TRIM7: variants seen among roughly 807,000 people sequenced by gnomAD.
The protein encoded by TRIM7 is tripartite motif containing 7.
A neutral mutation model predicts 37.9 loss-of-function variants in TRIM7; 32 were observed. The observed-to-expected ratio is 0.84, with a 90% CI of 0.64 to 1.13. The LOEUF is 1.13. TRIM7 is among the 50% of genes most tolerant of loss of function. The pLI is 0.00. For synonymous variants in TRIM7, 351 were observed against 321.3 expected (o/e 1.09, Z -0.99); for missense variants, 732 against 714.0 (o/e 1.03, Z -0.29).
intron 2 of TRIM7, 86 bp from the exon 3 acceptor site, chr5:181,200,167 G>T (rs761813342): frequency 1.2e-6 from 2 of 1,608,626 alleles, no homozygotes; most frequent in Admixed American, 1.7e-5. Flanking sequence ...ACAGGGCAAG[G>T]CTTCGTCCCT....
At chr5:181,204,218 G>A in intron 1 of TRIM7, 2 of 1,034,472 alleles carry the variant, frequency 1.9e-6, no homozygotes, top group Non-Finnish European at 2.3e-6. Context: ...TAAGAGTGGG[G>A]GCAGCGGCTG....
rs781165142 is a variant in TRIM7, at chr5:181,195,480, C to G, written c.1222G>C (p.Gly408Arg). Residue 408 changes from glycine (G) to arginine (R), a missense_variant, in exon 7 of 7, where the codon GGC becomes CGC. Coordinates refer to ENST00000274773, the MANE Select transcript of TRIM7 (RefSeq NM_203293.3). ...TCGCGGGCCACGCCAAAGGCCCAGC[C>G]GTCCTTAGAGCCCACCTCCACCTCC... ...HWEVEVGSKD[G>R]WAFGVARESV... is the part of the protein sequence containing the mutation. 4 of 1,612,398 alleles carry G rather than the reference C, an allele frequency of 2.5e-6. No homozygotes were observed. Among genetic ancestry groups the G allele is most frequent in the South Asian group, 1.1e-5 (1 of 91,042 alleles).
intron 1 of TRIM7, chr5:181,204,229 C>T: frequency 1.9e-6 from 2 of 1,044,584 alleles, no homozygotes. Context: ...GCAGCGGCTG[C>T]GTGGCTGTGC....
At position 181,204,822 on chromosome 5, in the gene TRIM7, C is replaced by T; in HGVS notation, c.289G>A (p.Ala97Thr). ...PSQLRPNRQL[A>T]AVATLLRRFS... Reference sequence around the variant, plus strand: ...CGCCGCAGGAGCGTGGCCACTGCCGCCAGCTGCCGGTTGGGCCGCAGCTGA... The same window carrying T: ...CGCCGCAGGAGCGTGGCCACTGCCGTCAGCTGCCGGTTGGGCCGCAGCTGA... Residue 97 changes from alanine (A) to threonine (T), a missense_variant, in exon 1 of 7, where the codon GCG (alanine) becomes ACG (threonine). Transcript: ENST00000274773. 1.4e-6 allele frequency: 2 copies of T among 1,380,572 alleles called. No homozygotes were observed. Among genetic ancestry groups the T allele is most frequent in the Non-Finnish European group, 1.9e-6 (2 of 1,074,588 alleles). 85.5% of individuals were successfully genotyped at this position (1,380,572 alleles called of 1,614,324 possible).
At position 181,205,143 on chromosome 5, in the gene TRIM7, C is replaced by A. The variant is rs910611973; in HGVS notation, c.-33G>T. On this transcript the variant is annotated 5_prime_UTR_variant, in exon 1 of 7. Coordinates refer to ENST00000274773, the MANE Select transcript of TRIM7 (RefSeq NM_203293.3). ...CTCCGCGCACCCAGATCTGGTCGCG[C>A]CTGGGCGGCCACTGGACCTCACAGG... 4 of 1,280,758 alleles carry A rather than the reference C, an allele frequency of 3.1e-6. No individual in the cohort carries two copies. The African/African-American group carries it at 4.6e-5, about 15-fold the overall frequency. The allele number at this position is 1,280,758 out of a possible 1,614,324, so 79.3% of individuals were successfully genotyped here. A position where few individuals can be genotyped will look rare whatever the true frequency, so the allele number is the denominator to read the frequency against.
chr5:181,204,607 C>T lies in TRIM7; in HGVS notation c.504G>A (p.Glu168=), dbSNP rs778039533. 9.6e-6 allele frequency: 14 copies of T among 1,453,616 alleles called. No individual in the cohort carries two copies. Among genetic ancestry groups the T allele is most frequent in the Non-Finnish European group, 1.3e-5 (14 of 1,114,638 alleles). 90.0% of individuals were successfully genotyped at this position (1,453,616 alleles called of 1,614,324 possible). The stretch of plus-strand genomic sequence containing the variant: ...CGCTCACCTTGGCCTCCTGCACCGC[C>T]TCGTCCAGCGGCAGCACGGCGTGCT... ...HREHAVLPLD[E]AVQEAKELLE... The change falls in exon 1 of 7, where the codon GAG becomes GAA. Residue 168 remains glutamate, a synonymous_variant. Coordinates refer to ENST00000274773, the MANE Select transcript of TRIM7 (RefSeq NM_203293.3).
chr5:181,200,683 T>C (rs1471427947), intron 2 of TRIM7: 4 of 995,586 alleles, frequency 4.0e-6, no homozygotes, highest in Non-Finnish European at 4.8e-6. Flanking sequence ...CATGCAAGTG[T>C]CATATTCTGT....
intron 1 of TRIM7, chr5:181,204,273 C>G (rs1561652364): frequency 9.2e-7 from 1 of 1,081,806 alleles, no homozygotes; most frequent in East Asian, 5.6e-5. Context: ...GCTGCGGAGA[C>G]GCAGACCAGG....
Position 181,205,080 on chromosome 5 carries a change from CG to C in TRIM7, c.30del (p.Gly11GlufsTer7). 2 of 1,361,426 alleles carry C rather than the reference CG, an allele frequency of 1.5e-6. No homozygotes were observed. Among genetic ancestry groups the C allele is most frequent in the Non-Finnish European group, 1.9e-6 (2 of 1,060,152 alleles). The allele number at this position is 1,361,426 out of a possible 1,614,324, so 84.3% of individuals were successfully genotyped here. On this transcript the variant is annotated frameshift_variant, in exon 1 of 7. Coordinates refer to ENST00000274773, the MANE Select transcript of TRIM7 (RefSeq NM_203293.3). LOFTEE classifies it high-confidence loss of function. ...AGCGCTAGAGCCTCGGCGCCGGTTC[CG>C]GGGCCGGTCCGCGGTCCCACAGCCG... MAAVGPRTG[P>X]GTGAEALALA... is the part of the protein sequence containing the mutation.
chr5:181,195,929 T>G, intron 6 of TRIM7: 1 of 433,138 alleles, frequency 2.3e-6, no homozygotes. Flanking sequence ...TGAACCCCAA[T>G]TCAACAGATG....
At chr5:181,199,350 T>C (rs1051697609) in intron 3 of TRIM7, 4 of 591,220 alleles carry the variant, frequency 6.8e-6, no homozygotes, top group Non-Finnish European at 9.1e-6. Flanking sequence ...CGTGCTTTCT[T>C]TCTATCTTTG....
intron 3 of TRIM7, 83 bp downstream of exon 3, chr5:181,199,768 C>T (rs968854391): frequency 2.0e-6 from 3 of 1,489,104 alleles, no homozygotes; most frequent in Non-Finnish European, 2.7e-6. Context: ...CTCCTAGACC[C>T]CCCAGGACTG....
intron 6 of TRIM7, chr5:181,197,975 C>T (rs980071566): frequency 1.2e-5 from 7 of 601,394 alleles, no homozygotes; most frequent in Non-Finnish European, 2.1e-5. Flanking sequence ...TCCTAACCAA[C>T]CTGCAGCATT....
chr5:181,204,988 G>C lies in TRIM7; in HGVS notation c.123C>G (p.Ser41=), dbSNP rs779832054. The C allele has an allele frequency of 2.0e-6, 3 of 1,486,362 alleles. No individual in the cohort carries two copies. Among genetic ancestry groups the C allele is most frequent in the East Asian group, 5.8e-5 (2 of 34,548 alleles). 92.1% of individuals were successfully genotyped at this position (1,486,362 alleles called of 1,614,324 possible). ...GGCAGAAGCTGTGGCCGCACTCGAC[G>C]GACACCGGCTCACGAAAGAGCTCTA... ...ICLELFREPV[S]VECGHSFCRA... is the part of the protein sequence containing the mutation. Residue 41 remains serine (S), a synonymous_variant, in exon 1 of 7, where the codon TCC becomes TCG. Coordinates refer to ENST00000274773, the MANE Select transcript of TRIM7 (RefSeq NM_203293.3).
In TRIM7 at chr5:181,195,050, TG is replaced by T; in HGVS notation, c.*115del. Reference sequence around the variant, plus strand: ...GGGTTGTGTCTGTAGCAGGCTCTCTTGGGCAGCAGGGGTCAGGAGCACGGAG... The same window carrying T: ...GGGTTGTGTCTGTAGCAGGCTCTCTTGGCAGCAGGGGTCAGGAGCACGGAG... On this transcript the variant is annotated 3_prime_UTR_variant, in exon 7 of 7. Transcript: ENST00000274773. 7.5e-7 allele frequency: 1 copy of T among 1,333,288 alleles called. No individual in the cohort carries two copies. Among genetic ancestry groups the T allele is most frequent in the Non-Finnish European group, 1.0e-6 (1 of 977,350 alleles). The allele number at this position is 1,333,288 out of a possible 1,614,324, so 82.6% of individuals were successfully genotyped here. A position where few individuals can be genotyped will look rare whatever the true frequency, so the allele number is the denominator to read the frequency against.
At position 181,195,442 on chromosome 5, in the gene TRIM7, TC is replaced by T; in HGVS notation, c.1259del (p.Arg420GlnfsTer4). ...CGGGAGTGAAGGGCGTCAGGCCCTT[TC>T]GGCGCACGCTCTCGCGGGCCACGCC... ...AFGVARESVR[R>X]KGLTPFTPEE... On this transcript the variant is annotated frameshift_variant, in exon 7 of 7. Coordinates refer to ENST00000274773, the MANE Select transcript of TRIM7 (RefSeq NM_203293.3). LOFTEE classifies it low-confidence loss of function (END_TRUNC). 6.2e-7 allele frequency: 1 copy of T among 1,608,726 alleles called. No homozygotes were observed. The highest frequency in any genetic ancestry group is 8.5e-7 in the Non-Finnish European group (1 of 1,178,038).
At chr5:181,200,327 T>G (rs1757403948) in intron 2 of TRIM7, 4 of 1,428,244 alleles carry the variant, frequency 2.8e-6, no homozygotes, top group Non-Finnish European at 3.6e-6. Context: ...GGACCTGTGC[T>G]CCATCACCTA....
chr5:181,199,536 A>C, intron 3 of TRIM7: 3 of 477,240 alleles, frequency 6.3e-6, no homozygotes, highest in Non-Finnish European at 7.4e-6. Context: ...GTTGTTTATA[A>C]CTTTTTTTTT....
At chr5:181,200,544 T>G in intron 2 of TRIM7, 2 of 1,037,906 alleles carry the variant, frequency 1.9e-6, no homozygotes, top group Non-Finnish European at 2.3e-6. Flanking sequence ...GTTTAGCAGT[T>G]ATAATGCTAA....
Sources: allele counts gnomAD v4.1 joint callset, GRCh38; gene constraint gnomAD v4.1.1; transcripts MANE v1.5; gene names NCBI Gene and HGNC (gene_info 2026-07-23, HGNC 2026-07-21).